Variants in SLC16A10 observed in about 807,000 individuals in gnomAD.
The protein encoded by SLC16A10 is monocarboxylate transporter 10.
SLC16A10 carries 27 observed loss-of-function variants against 40.0 expected under a neutral mutation model. The observed-to-expected ratio is 0.67, with a 90% CI of 0.50 to 0.93. The LOEUF (loss-of-function observed/expected upper bound fraction) is 0.93. Among genes scored for constraint, SLC16A10 ranks in the 40% least tolerant of loss-of-function variants. The pLI is 0.00. For synonymous variants in SLC16A10, 213 were observed against 249.8 expected (o/e 0.85, Z 1.39); for missense variants, 529 against 658.2 (o/e 0.80, Z 2.15).
intron 1 of SLC16A10, among the ~76,000 whole-genome samples, chr6:111,158,843 T>C (rs1772319794): frequency 6.6e-6 from 1 of 151,954 alleles, no homozygotes; most frequent in Admixed American, 6.6e-5. Flanking sequence ...GTCAACACTT[T>C]AGGAGGCCAA....
In SLC16A10 at chr6:111,227,693, G is replaced by A. The variant is rs763217803; in HGVS notation, c.*5458G>A. Reference sequence around the variant, plus strand: ...TTTCTGGGGAAATAAAATTCCCCATGGTACTATATTCCTGACAGATATAAA... The same window carrying A: ...TTTCTGGGGAAATAAAATTCCCCATAGTACTATATTCCTGACAGATATAAA... On this transcript the variant is annotated 3_prime_UTR_variant, in exon 6 of 6. Coordinates refer to ENST00000368851, the MANE Select transcript of SLC16A10 (RefSeq NM_018593.5). 2 of 152,092 alleles carry A rather than the reference G, an allele frequency of 1.3e-5. No homozygotes were observed. The highest frequency in any genetic ancestry group is 2.1e-4 in the South Asian group (1 of 4,830). The allele number at this position is 152,092 out of a possible 1,614,324, so 9.4% of individuals were successfully genotyped here. A position where few individuals can be genotyped will look rare whatever the true frequency, so the allele number is the denominator to read the frequency against.
chr6:111,140,183 C>T (rs1055975471), intron 1 of SLC16A10, among the ~76,000 whole-genome samples: 1 of 152,148 alleles, frequency 6.6e-6, no homozygotes, highest in Non-Finnish European at 1.5e-5. Flanking sequence ...GAATGCCAGC[C>T]AGGCATAGAG....
chr6:111,133,388 C>T (rs941378841), intron 1 of SLC16A10, among the ~76,000 whole-genome samples: 1 of 152,052 alleles, frequency 6.6e-6, no homozygotes, highest in Non-Finnish European at 1.5e-5. Context: ...AATGTTCCCC[C>T]CAAGGCAAAA....
intron 1 of SLC16A10, among the ~76,000 whole-genome samples, chr6:111,113,790 GCA>G (rs1189733513): frequency 1.3e-5 from 2 of 152,190 alleles, no homozygotes; most frequent in Non-Finnish European, 2.9e-5. Flanking sequence ...GAATGAGGCT[GCA>G]GTCTCAGTCG....
intron 1 of SLC16A10, among the ~76,000 whole-genome samples, chr6:111,098,336 T>A (rs960587702): frequency 5.3e-5 from 8 of 151,856 alleles, no homozygotes; most frequent in African/African-American, 1.9e-4. Flanking sequence ...GGTGGAAGGA[T>A]CGCTTGAGTC....
At chr6:111,108,686 G>A (rs1771329974) in intron 1 of SLC16A10, among the ~76,000 whole-genome samples, 1 of 152,180 alleles carries the variant, frequency 6.6e-6, no homozygotes, top group Admixed American at 6.5e-5. Context: ...ACACAGACCA[G>A]TATTCACCCT....
chr6:111,101,863 C>T (rs942612827), intron 1 of SLC16A10, among the ~76,000 whole-genome samples: 2 of 152,182 alleles, frequency 1.3e-5, no homozygotes, highest in Admixed American at 1.3e-4. Context: ...TCAAGTGATC[C>T]GCCTGCCTTG....
At chr6:111,151,283 A>G (rs908536010) in intron 1 of SLC16A10, among the ~76,000 whole-genome samples, 1 of 152,048 alleles carries the variant, frequency 6.6e-6, no homozygotes, top group African/African-American at 2.4e-5. Context: ...CAAATTCATC[A>G]CCTCTCCTTT....
chr6:111,114,744 T>A (rs1055316842), intron 1 of SLC16A10, among the ~76,000 whole-genome samples: 7 of 152,222 alleles, frequency 4.6e-5, no homozygotes, highest in Non-Finnish European at 1.0e-4. Flanking sequence ...AGTTTATTTT[T>A]TAAAATTATA....
chr6:111,229,438 T>C lies in SLC16A10; in HGVS notation c.*7203T>C, dbSNP rs1771066824. 1 of 152,246 alleles carries C rather than the reference T, an allele frequency of 6.6e-6. No individual in the cohort carries two copies. Among genetic ancestry groups the C allele is most frequent in the Non-Finnish European group, 1.5e-5 (1 of 68,034 alleles). The allele number at this position is 152,246 out of a possible 1,614,324, so 9.4% of individuals were successfully genotyped here. ...TTTTAAAGAAAAAGTCCCTTGTCAA[T>C]GTTTCTAGCACAAAGTGAGGGATTT... On this transcript the variant is annotated 3_prime_UTR_variant, in exon 6 of 6. Coordinates refer to ENST00000368851, the MANE Select transcript of SLC16A10 (RefSeq NM_018593.5).
intron 1 of SLC16A10, among the ~76,000 whole-genome samples, chr6:111,162,411 C>T (rs1284875938): frequency 6.6e-6 from 1 of 152,194 alleles, no homozygotes; most frequent in Admixed American, 6.5e-5. Flanking sequence ...TAGAAAGTGA[C>T]ATTCTTTATT....
At chr6:111,151,057 G>A (rs989821548) in intron 1 of SLC16A10, among the ~76,000 whole-genome samples, 16 of 152,074 alleles carry the variant, frequency 1.1e-4, no homozygotes, top group African/African-American at 2.4e-4. Context: ...CTCTAGTAGC[G>A]TACATACTCA....
chr6:111,178,557 G>C (rs1162473921), intron 3 of SLC16A10: 1 of 262,844 alleles, frequency 3.8e-6, no homozygotes, highest in African/African-American at 2.5e-5. Flanking sequence ...CCTGGGGAAG[G>C]AAAAAAAAAA....
intron 1 of SLC16A10, among the ~76,000 whole-genome samples, chr6:111,140,782 A>G (rs1562410336): frequency 6.6e-6 from 1 of 152,128 alleles, no homozygotes; most frequent in Admixed American, 6.5e-5. Context: ...AATTTAATTA[A>G]TTATTTTATT....
intron 1 of SLC16A10, among the ~76,000 whole-genome samples, chr6:111,137,660 G>A (rs796601053): frequency 6.4e-4 from 97 of 152,344 alleles, no homozygotes; most frequent in African/African-American, 2.2e-3. Flanking sequence ...ATGACCCTTA[G>A]TTGCACCAGT....
chr6:111,141,710 C>T (rs895288954), intron 1 of SLC16A10, among the ~76,000 whole-genome samples: 1 of 152,026 alleles, frequency 6.6e-6, no homozygotes, highest in Non-Finnish European at 1.5e-5. Flanking sequence ...ATTAGCACCC[C>T]TCAAAATGAA....
chr6:111,167,584 GT>G (rs1179566927), intron 1 of SLC16A10, among the ~76,000 whole-genome samples: 4 of 151,976 alleles, frequency 2.6e-5, no homozygotes, highest in Non-Finnish European at 4.4e-5. Context: ...CTCTGTGGGT[GT>G]TTTGTAGAAG....
chr6:111,125,897 C>CACAA (rs1771666473), intron 1 of SLC16A10, among the ~76,000 whole-genome samples: 1 of 152,128 alleles, frequency 6.6e-6, no homozygotes, highest in African/African-American at 2.4e-5. Context: ...AAACCTAGGA[C>CACAA]ACAAGCCTAA....
chr6:111,169,986 G>A (rs984079000), intron 1 of SLC16A10, among the ~76,000 whole-genome samples: 17 of 142,370 alleles, frequency 1.2e-4, no homozygotes, highest in Admixed American at 3.0e-4. Context: ...GGATGACCTC[G>A]GCTCACTGCA....
Sources: allele counts gnomAD v4.1 joint callset (sites outside exome capture counted in the v4.1 genomes callset), GRCh38; gene constraint gnomAD v4.1.1; transcripts MANE v1.5; gene names NCBI Gene and HGNC (gene_info 2026-07-23, HGNC 2026-07-21).